The following PRKD1 variants were observed in gnomAD, a reference collection of about 807,000 sequenced individuals.
The protein encoded by PRKD1 is protein kinase D1.
A neutral mutation model predicts 95.9 loss-of-function variants in PRKD1; 63 were observed. The ratio of observed to expected loss-of-function variants is 0.66; its 90% CI spans 0.54 to 0.81. The LOEUF is 0.81. PRKD1 is among the 30% of genes least tolerant of loss of function. The pLI, the probability that PRKD1 is intolerant of heterozygous loss-of-function variation, is 0.00. For missense variants in PRKD1, 1,048 were observed against 1,165.3 expected (o/e 0.90, Z 1.47); for synonymous variants, 425 against 423.1 (o/e 1.00, Z -0.05).
intron 2 of PRKD1, among the ~76,000 whole-genome samples, chr14:29,697,009 C>A (rs1055011937): frequency 6.6e-6 from 1 of 151,984 alleles, no homozygotes; most frequent in African/African-American, 2.4e-5. Flanking sequence ...TTCAAGAAAA[C>A]CCTGGAGTCC....
intron 1 of PRKD1, among the ~76,000 whole-genome samples, chr14:29,731,883 T>TAA (rs1342189483): frequency 1.6e-4 from 19 of 118,202 alleles, no homozygotes; most frequent in African/African-American, 5.6e-4. Flanking sequence ...TTTTTTTTTT[T>TAA]TTTTTTTTGA....
At chr14:29,860,849 A>G (rs2139358419) in intron 1 of PRKD1, among the ~76,000 whole-genome samples, 1 of 152,262 alleles carries the variant, frequency 6.6e-6, no homozygotes, top group South Asian at 2.1e-4. Flanking sequence ...AGTTGACTCA[A>G]ATTTAGGTTA....
intron 9 of PRKD1, 70 bp from the exon 10 acceptor site, chr14:29,631,091 A>G (rs1879977137): frequency 5.0e-6 from 7 of 1,401,982 alleles, no homozygotes; most frequent in Non-Finnish European, 5.8e-6. Context: ...AATTCATGCC[A>G]AGAACATGTG....
At chr14:29,822,457 G>C (rs1468721015) in intron 1 of PRKD1, among the ~76,000 whole-genome samples, 1 of 152,136 alleles carries the variant, frequency 6.6e-6, no homozygotes, top group Non-Finnish European at 1.5e-5. Context: ...TGGCTTTGCT[G>C]TTTGTCTAGC....
At chr14:29,785,309 T>A (rs1196225191) in intron 1 of PRKD1, among the ~76,000 whole-genome samples, 2 of 152,234 alleles carry the variant, frequency 1.3e-5, no homozygotes, top group East Asian at 1.9e-4. Context: ...AGGTATTTTT[T>A]AAATTTATTT....
intron 2 of PRKD1, among the ~76,000 whole-genome samples, chr14:29,721,688 A>T (rs1885905615): frequency 6.6e-6 from 1 of 152,082 alleles, no homozygotes; most frequent in African/African-American, 2.4e-5. Context: ...AAAAAAAAAA[A>T]TTTCCATGTT....
intron 1 of PRKD1, among the ~76,000 whole-genome samples, chr14:29,768,345 T>C (rs1209357179): frequency 6.6e-6 from 1 of 152,222 alleles, no homozygotes; most frequent in Non-Finnish European, 1.5e-5. Flanking sequence ...TACAGCATGA[T>C]TTGTTCTTGC....
intron 1 of PRKD1, among the ~76,000 whole-genome samples, chr14:29,828,476 G>A (rs1184046114): frequency 1.3e-5 from 2 of 152,024 alleles, no homozygotes; most frequent in African/African-American, 4.8e-5. Context: ...CTAACATAGA[G>A]GTCACATTTC....
At chr14:29,584,273 T>C (rs976048771) in intron 16 of PRKD1, among the ~76,000 whole-genome samples, 2 of 152,162 alleles carry the variant, frequency 1.3e-5, no homozygotes, top group African/African-American at 2.4e-5. Flanking sequence ...AGTGTGTAGA[T>C]ACAAAAGGTG....
chr14:29,624,128 C>T, intron 13 of PRKD1, 24 bp downstream of exon 13: 3 of 1,534,052 alleles, frequency 2.0e-6, no homozygotes, highest in Non-Finnish European at 1.8e-6. Flanking sequence ...ATACCCTTTC[C>T]CCAAATGAGA....
chr14:29,896,241 A>G (rs1894119503), intron 1 of PRKD1, among the ~76,000 whole-genome samples: 1 of 152,188 alleles, frequency 6.6e-6, no homozygotes, highest in Admixed American at 6.5e-5. Flanking sequence ...AGGTTTTCCT[A>G]TGTAATTAAT....
At chr14:29,899,342 T>C (rs12891459) in intron 1 of PRKD1, among the ~76,000 whole-genome samples, 4 of 151,780 alleles carry the variant, frequency 2.6e-5, no homozygotes, top group African/African-American at 9.7e-5. Context: ...CATTGGGAGG[T>C]TGTTCATATA....
chr14:29,766,127 A>G (rs1888246021), intron 1 of PRKD1, among the ~76,000 whole-genome samples: 1 of 152,044 alleles, frequency 6.6e-6, no homozygotes, highest in Admixed American at 6.6e-5. Context: ...GAGGAGAAAG[A>G]CAGGGGAATA....
chr14:29,762,633 C>A (rs887264704), intron 1 of PRKD1, among the ~76,000 whole-genome samples: 6 of 152,222 alleles, frequency 3.9e-5, no homozygotes, highest in Non-Finnish European at 4.4e-5. Flanking sequence ...ATTTACGTGA[C>A]AATATTTGAA....
At chr14:29,850,288 T>C (rs1892257188) in intron 1 of PRKD1, among the ~76,000 whole-genome samples, 1 of 152,140 alleles carries the variant, frequency 6.6e-6, no homozygotes, top group South Asian at 2.1e-4. Flanking sequence ...AATGATATGA[T>C]TCTATACCTA....
intron 1 of PRKD1, among the ~76,000 whole-genome samples, chr14:29,847,896 C>T (rs1401828868): frequency 2.0e-5 from 3 of 152,148 alleles, no homozygotes; most frequent in East Asian, 1.9e-4. Context: ...ACCAACCTTT[C>T]ACTCTCTCTA....
At chr14:29,880,279 C>A (rs1179725253) in intron 1 of PRKD1, among the ~76,000 whole-genome samples, 1 of 152,170 alleles carries the variant, frequency 6.6e-6, no homozygotes, top group Non-Finnish European at 1.5e-5. Flanking sequence ...TGTGTCCCAG[C>A]CACTCCAGTG....
chr14:29,910,361 C>CCGTT (rs1193839902), intron 1 of PRKD1, among the ~76,000 whole-genome samples: 1 of 152,092 alleles, frequency 6.6e-6, no homozygotes, highest in East Asian at 1.9e-4. Flanking sequence ...CTGAACACGT[C>CCGTT]CGAACATCAG....
At chr14:29,713,900 A>T (rs1885461072) in intron 2 of PRKD1, among the ~76,000 whole-genome samples, 1 of 152,180 alleles carries the variant, frequency 6.6e-6, no homozygotes, top group Non-Finnish European at 1.5e-5. Flanking sequence ...CAGCTAGTAA[A>T]CGTGGCAGCT....
Sources: allele counts gnomAD v4.1 joint callset (sites outside exome capture counted in the v4.1 genomes callset), GRCh38; gene constraint gnomAD v4.1.1; transcripts MANE v1.5; gene names NCBI Gene and HGNC (gene_info 2026-07-23, HGNC 2026-07-21).